The following OSTF1 variants were observed in gnomAD, a reference collection of about 807,000 sequenced individuals.
The protein encoded by OSTF1 is osteoclast-stimulating factor 1.
A neutral mutation model predicts 37.2 loss-of-function variants in OSTF1; 27 were observed. The ratio of observed to expected loss-of-function variants is 0.73; its 90% CI spans 0.54 to 1.00. The LOEUF is 1.00. Among genes scored for constraint, OSTF1 ranks in the 50% least tolerant of loss-of-function variants. OSTF1 has a pLI of 0.00. For synonymous variants in OSTF1, 82 were observed against 89.2 expected (o/e 0.92, Z 0.46); for missense variants, 232 against 253.8 (o/e 0.91, Z 0.58).
chr9:75,117,692 G>A, intron 2 of OSTF1, 142 bp downstream of exon 2: 2 of 634,958 alleles, frequency 3.1e-6, no homozygotes, highest in Admixed American at 3.0e-5. Flanking sequence ...GTCCAGAGCT[G>A]TGCAAGTTAA....
Position 75,123,099 on chromosome 9 carries a change from A to G in OSTF1, c.82-4470A>G, listed in dbSNP as rs771645589. ...TATTCTGATACCTTGCTGTTCTTCAAGGAGAGAGGAAAGGAGGAATGTAGT... is the reference window on the plus strand; with the variant it reads ...TATTCTGATACCTTGCTGTTCTTCAGGGAGAGAGGAAAGGAGGAATGTAGT... On this transcript the variant is annotated intron_variant, in intron 2 of 9. Coordinates refer to ENST00000346234, the MANE Select transcript of OSTF1 (RefSeq NM_012383.5). Among the ~76,000 whole-genome samples the G allele has an allele frequency of 2.3e-4, 35 of 152,220 alleles. 1 individual carries two copies. Among genetic ancestry groups the G allele is most frequent in the Non-Finnish European group, 4.6e-4 (31 of 68,036 alleles).
chr9:75,128,401 TATATATTTTGTCC>T (rs1397429996), intron 3 of OSTF1, among the ~76,000 whole-genome samples: 66 of 89,938 alleles, frequency 7.3e-4, no homozygotes, highest in Non-Finnish European at 1.0e-3. Flanking sequence ...TATATATATA[TATATATTTTGTCC>T]ATATATATAT....
intron 1 of OSTF1, among the ~76,000 whole-genome samples, chr9:75,108,241 A>AAATT (rs1389179809): frequency 1.3e-5 from 2 of 151,306 alleles, no homozygotes; most frequent in African/African-American, 2.4e-5. Context: ...ATAAATAAAT[A>AAATT]AATTAATTAA....
intron 9 of OSTF1, among the ~76,000 whole-genome samples, chr9:75,141,760 T>A (rs2118636081): frequency 6.6e-6 from 1 of 152,274 alleles, no homozygotes; most frequent in South Asian, 2.1e-4. Flanking sequence ...ATTATTATTA[T>A]TTTTTTAGAT....
chr9:75,122,602 A>G (rs925745365), intron 2 of OSTF1, among the ~76,000 whole-genome samples: 9 of 152,184 alleles, frequency 5.9e-5, no homozygotes, highest in Non-Finnish European at 1.3e-4. Context: ...TGCCTTTTGT[A>G]TGAGAGAAAG....
At chr9:75,118,537 T>G (rs765342833) in intron 2 of OSTF1, among the ~76,000 whole-genome samples, 1 of 151,504 alleles carries the variant, frequency 6.6e-6, no homozygotes, top group Non-Finnish European at 1.5e-5. Flanking sequence ...GTCGAGACAG[T>G]TAGGAAGGAA....
chr9:75,088,703 C>G lies in OSTF1; in HGVS notation c.11C>G (p.Pro4Arg), dbSNP rs771411989. MSK[P>R]PPKPVKPGQV... ...GCTCCAGGAAGCGAGATGTCGAAGC[C>G]GCCACCCAAACCAGTCAAACCAGGT... Residue 4 changes from proline (P) to arginine (R), a missense_variant, in exon 1 of 10, where the codon CCG (proline) becomes CGG (arginine). Physicochemically the swap from Pro to Arg is moderately radical, Grantham distance 103 (BLOSUM62 -2). Transcript: ENST00000346234. 6 of 1,609,224 alleles carry G rather than the reference C, an allele frequency of 3.7e-6. No individual in the cohort carries two copies. The African/African-American group carries it at 8.0e-5, about 21-fold the overall frequency.
At chr9:75,123,354 G>A (rs889250701) in intron 2 of OSTF1, among the ~76,000 whole-genome samples, 1 of 152,200 alleles carries the variant, frequency 6.6e-6, no homozygotes, top group African/African-American at 2.4e-5. Flanking sequence ...CCCTTGGGGG[G>A]CGGAGCCTGC....
chr9:75,115,663 G>GT (rs200346971), intron 1 of OSTF1, among the ~76,000 whole-genome samples: 51 of 122,692 alleles, frequency 4.2e-4, no homozygotes, highest in South Asian at 1.4e-3. Context: ...TTTGTTTTTT[G>GT]TTTTTTTTTG....
At chr9:75,089,217 G>A (rs1291992116) in intron 1 of OSTF1, among the ~76,000 whole-genome samples, 1 of 151,666 alleles carries the variant, frequency 6.6e-6, no homozygotes. Context: ...CTTAAGCGTG[G>A]AGCAGCGTTT....
chr9:75,109,008 A>G (rs1185124529), intron 1 of OSTF1, among the ~76,000 whole-genome samples: 1 of 151,664 alleles, frequency 6.6e-6, no homozygotes, highest in East Asian at 1.9e-4. Flanking sequence ...TTTTGGATAA[A>G]ATCTCAGGTT....
intron 2 of OSTF1, among the ~76,000 whole-genome samples, chr9:75,121,370 T>A (rs901870622): frequency 6.6e-6 from 1 of 152,238 alleles, no homozygotes; most frequent in Non-Finnish European, 1.5e-5. Context: ...AAATCTTAGT[T>A]ATTATTGAAT....
chr9:75,134,214 A>C, intron 6 of OSTF1, 132 bp from the exon 7 acceptor site: 2 of 510,660 alleles, frequency 3.9e-6, no homozygotes, highest in South Asian at 6.6e-5. Flanking sequence ...TATTTTATAA[A>C]TTTTACAAAA....
In OSTF1 at chr9:75,131,773, C is replaced by A; in HGVS notation, c.200C>A (p.Ala67Asp). 1 of 1,613,022 alleles carries A rather than the reference C, an allele frequency of 6.2e-7. No individual in the cohort carries two copies. The highest frequency in any genetic ancestry group is 8.5e-7 in the Non-Finnish European group (1 of 1,179,108). Residue 67 changes from alanine to aspartate, a missense_variant, in exon 5 of 10, where the codon GCT becomes GAT. Transcript: ENST00000346234. ...ACACTTTTTATTTTCAATCTAGTGGCTGAGCAGGCAGAATCCATTGACAAT... is the reference window on the plus strand; with the variant it reads ...ACACTTTTTATTTTCAATCTAGTGGATGAGCAGGCAGAATCCATTGACAAT... The part of the protein sequence containing the change: ...RTGLIPSNYV[A>D]EQAESIDNPL...
chr9:75,134,406 T>G lies in OSTF1; in HGVS notation c.408+11T>G. On this transcript the variant is annotated intron_variant, in intron 7 of 9. Coordinates refer to ENST00000346234, the MANE Select transcript of OSTF1 (RefSeq NM_012383.5). ...GAACTGAACCAGCAGGTAAGACTGC[T>G]TATTTGAAAATTATTTAACACATAC... 6.8e-7 allele frequency: 1 copy of G among 1,471,964 alleles called. No individual in the cohort carries two copies. The allele number at this position is 1,471,964 out of a possible 1,614,324, so 91.2% of individuals were successfully genotyped here. A position where few individuals can be genotyped will look rare whatever the true frequency, so the allele number is the denominator to read the frequency against.
In OSTF1 at chr9:75,147,243, A is replaced by G. The variant is rs1227701209; in HGVS notation, c.*502A>G. 2 of 152,030 alleles carry G rather than the reference A, an allele frequency of 1.3e-5. No homozygotes were observed. The highest frequency in any genetic ancestry group is 2.9e-5 in the Non-Finnish European group (2 of 68,058). The allele number at this position is 152,030 out of a possible 1,614,324, so 9.4% of individuals were successfully genotyped here. On this transcript the variant is annotated 3_prime_UTR_variant, in exon 10 of 10. Coordinates refer to ENST00000346234, the MANE Select transcript of OSTF1 (RefSeq NM_012383.5). ...TGGTATCACTCATTGTCGTTAAGTA[A>G]GTAAAGCTTTTTATATTTAGGTAAG...
At chr9:75,142,407 C>G (rs1206268446) in intron 9 of OSTF1, among the ~76,000 whole-genome samples, 3 of 152,190 alleles carry the variant, frequency 2.0e-5, no homozygotes. Context: ...CTGCCACTGA[C>G]TTCCTGTTGT....
chr9:75,100,762 C>T (rs1438960743), intron 1 of OSTF1, among the ~76,000 whole-genome samples: 1 of 151,586 alleles, frequency 6.6e-6, no homozygotes, highest in Non-Finnish European at 1.5e-5. Flanking sequence ...TGAGCAGCTG[C>T]AACCTCAGGG....
At chr9:75,116,392 G>T (rs778796029) in intron 1 of OSTF1, among the ~76,000 whole-genome samples, 1 of 152,112 alleles carries the variant, frequency 6.6e-6, no homozygotes, top group African/African-American at 2.4e-5. Context: ...TACCAGTTAG[G>T]TGCTGGGAAA....
Sources: allele counts gnomAD v4.1 joint callset (sites outside exome capture counted in the v4.1 genomes callset), GRCh38; gene constraint gnomAD v4.1.1; transcripts MANE v1.5; gene names NCBI Gene and HGNC (gene_info 2026-07-23, HGNC 2026-07-21).